The following SGCZ variants were observed in gnomAD, a reference collection of about 807,000 sequenced individuals.
The protein encoded by SGCZ is sarcoglycan zeta.
A neutral mutation model predicts 41.3 loss-of-function variants in SGCZ; 40 were observed. The ratio of observed to expected loss-of-function variants is 0.97; its 90% CI spans 0.75 to 1.26. The LOEUF (loss-of-function observed/expected upper bound fraction) is 1.26, where lower values mean the gene tolerates loss of function less well. SGCZ is among the 50% of genes most tolerant of loss of function. SGCZ has a pLI of 0.00. For missense variants in SGCZ, 552 were observed against 369.8 expected, an observed-to-expected ratio of 1.49 and a Z score of -4.04; for synonymous variants, 206 against 137.5, an observed-to-expected ratio of 1.50 and a Z score of -3.49.
intron 1 of SGCZ, among the ~76,000 whole-genome samples, chr8:14,807,318 T>G (rs1302897372): frequency 6.6e-6 from 1 of 152,128 alleles, no homozygotes; most frequent in Non-Finnish European, 1.5e-5. Context: ...CATGATTGTA[T>G]ATCTAGAAAA....
chr8:14,474,901 C>G (rs1259927352), intron 2 of SGCZ, among the ~76,000 whole-genome samples: 1 of 152,068 alleles, frequency 6.6e-6, no homozygotes. Flanking sequence ...TTGAAAAGGT[C>G]AAATCTGCTG....
chr8:15,170,817 T>C (rs1379841677), intron 1 of SGCZ, among the ~76,000 whole-genome samples: 1 of 152,228 alleles, frequency 6.6e-6, no homozygotes, highest in African/African-American at 2.4e-5. Context: ...ACTTTTGATA[T>C]GGACTATATA....
chr8:15,018,495 A>G (rs1803126574), intron 1 of SGCZ, among the ~76,000 whole-genome samples: 1 of 152,212 alleles, frequency 6.6e-6, no homozygotes, highest in African/African-American at 2.4e-5. Flanking sequence ...TGAGACAGGA[A>G]TGATAAAGGA....
intron 1 of SGCZ, among the ~76,000 whole-genome samples, chr8:14,557,414 CA>C (rs1297445175): frequency 2.0e-5 from 3 of 151,974 alleles, no homozygotes; most frequent in African/African-American, 7.2e-5. Context: ...TTTTGTAATG[CA>C]AAAGCTCTTC....
intron 1 of SGCZ, among the ~76,000 whole-genome samples, chr8:15,087,499 G>C (rs1044254300): frequency 3.9e-5 from 6 of 152,060 alleles, no homozygotes; most frequent in African/African-American, 1.2e-4. Flanking sequence ...AATTTTAGCT[G>C]CTTAATGCAT....
intron 3 of SGCZ, among the ~76,000 whole-genome samples, chr8:14,302,214 G>T (rs1253413434): frequency 1.3e-5 from 2 of 152,074 alleles, no homozygotes; most frequent in African/African-American, 4.8e-5. Flanking sequence ...TTTCCCAAAA[G>T]GAAGACAGAA....
At chr8:15,168,735 C>CTT (rs1799740091) in intron 1 of SGCZ, among the ~76,000 whole-genome samples, 1 of 152,196 alleles carries the variant, frequency 6.6e-6, no homozygotes, top group Admixed American at 6.5e-5. Flanking sequence ...AAAGTGCTTT[C>CTT]TTTTTCTTTT....
rs79809203 is a variant in SGCZ at position 14,961,942 on chromosome 8, T to C, written c.39+275643A>G. Among the ~76,000 whole-genome samples, 415 of 152,306 alleles carry C rather than the reference T, an allele frequency of 2.7e-3. 8 individuals carry two copies. In the East Asian group the frequency reaches 0.047, roughly 17 times the overall value. On this transcript the variant is annotated intron_variant, in intron 1 of 7. Coordinates refer to ENST00000382080, the MANE Select transcript of SGCZ (RefSeq NM_139167.4). The stretch of plus-strand genomic sequence containing the variant: ...GTCATAATTTACTGTGGCTTCTGAA[T>C]ACTTTTCTTATTCCTTCTTGCGGAG...
chr8:14,810,337 G>A (rs535889751), intron 1 of SGCZ, among the ~76,000 whole-genome samples: 1 of 152,010 alleles, frequency 6.6e-6, no homozygotes, highest in Non-Finnish European at 1.5e-5. Flanking sequence ...TTGAAGCAAT[G>A]AGAAAGATCA....
At chr8:14,709,607 TCA>T (rs1809448527) in intron 1 of SGCZ, among the ~76,000 whole-genome samples, 1 of 152,008 alleles carries the variant, frequency 6.6e-6, no homozygotes, top group South Asian at 2.1e-4. Context: ...AAATAAATTT[TCA>T]CAGTGATTTT....
At chr8:14,937,557 T>G (rs560250820) in intron 1 of SGCZ, among the ~76,000 whole-genome samples, 17 of 152,080 alleles carry the variant, frequency 1.1e-4, no homozygotes, top group Non-Finnish European at 2.1e-4. Context: ...GAAGAAAAAT[T>G]TGAGAGGGAA....
chr8:14,471,457 G>A (rs932821557), intron 2 of SGCZ, among the ~76,000 whole-genome samples: 3 of 151,982 alleles, frequency 2.0e-5, no homozygotes, highest in African/African-American at 4.8e-5. Context: ...ATATATATAT[G>A]AATGATACAA....
rs146589239 is a variant in SGCZ at position 14,346,644 on chromosome 8, G to A, written c.235-22440C>T. 3.8e-4 allele frequency among the ~76,000 whole-genome samples: 57 copies of A among 151,958 alleles called. No individual in the cohort carries two copies. The Middle Eastern group carries it at 0.01, about 27-fold the overall frequency. ...CACAAAATAAAATATCACATGGAAA[G>A]TTTTACAATAAAACAAAATAAAACT... is the stretch of plus-strand genomic sequence containing the variant. On this transcript the variant is annotated intron_variant, in intron 2 of 7. Transcript: ENST00000382080.
intron 2 of SGCZ, among the ~76,000 whole-genome samples, chr8:14,475,708 T>C (rs895848192): frequency 2.6e-5 from 4 of 152,220 alleles, no homozygotes; most frequent in African/African-American, 9.6e-5. Flanking sequence ...TAAAATAATC[T>C]GAAGCAATTC....
chr8:15,017,129 G>A (rs986680422), intron 1 of SGCZ, among the ~76,000 whole-genome samples: 4 of 152,128 alleles, frequency 2.6e-5, no homozygotes, highest in African/African-American at 7.2e-5. Flanking sequence ...ATGGATTCAA[G>A]CCTAGATTTG....
At chr8:14,506,425 G>A (rs1349524822) in intron 2 of SGCZ, among the ~76,000 whole-genome samples, 1 of 151,132 alleles carries the variant, frequency 6.6e-6, no homozygotes, top group Admixed American at 6.6e-5. Flanking sequence ...CCCTCTCTAC[G>A]GTATTATCCT....
intron 1 of SGCZ, among the ~76,000 whole-genome samples, chr8:14,648,722 G>A (rs1316939158): frequency 1.3e-5 from 2 of 151,776 alleles, no homozygotes; most frequent in South Asian, 2.1e-4. Context: ...TATTATAGAC[G>A]GCCGAGTGTC....
chr8:14,286,693 A>G (rs1035868146), intron 3 of SGCZ, among the ~76,000 whole-genome samples: 6 of 152,152 alleles, frequency 3.9e-5, no homozygotes, highest in African/African-American at 4.8e-5. Flanking sequence ...GTTATTTTCA[A>G]AGTTTGACTT....
In SGCZ at chr8:14,340,454, C is replaced by T. The variant is rs193048095; in HGVS notation, c.235-16250G>A. Among the ~76,000 whole-genome samples, 400 of 152,224 alleles carry T rather than the reference C, an allele frequency of 2.6e-3. 2 individuals are homozygous for T. Among genetic ancestry groups the T allele is most frequent in the African/African-American group, 8.9e-3 (369 of 41,542 alleles). On this transcript the variant is annotated intron_variant, in intron 2 of 7. Transcript: ENST00000382080. ...TTTTATTCACGTATTTATTGCAACA[C>T]ATTACAGTTCACTGGTTTGCTGAAT... is the stretch of plus-strand genomic sequence containing the variant.
Sources: allele counts gnomAD v4.1 joint callset (sites outside exome capture counted in the v4.1 genomes callset), GRCh38; gene constraint gnomAD v4.1.1; transcripts MANE v1.5; gene names NCBI Gene and HGNC (gene_info 2026-07-23, HGNC 2026-07-21).